The following MGAT4C variants were observed in gnomAD, a reference collection of about 807,000 sequenced individuals.
The protein encoded by MGAT4C is alpha-1,3-mannosyl-glycoprotein 4-beta-N-acetylglucosaminyltransferase C.
Under a neutral mutation model 40.1 loss-of-function variants are expected in MGAT4C, and 19 were observed. The ratio of observed to expected loss-of-function variants is 0.47; its 90% CI spans 0.33 to 0.70. MGAT4C has a LOEUF of 0.70. Ranked by LOEUF, MGAT4C falls within the 30% of genes least tolerant of loss-of-function variation. The pLI is 0.02. For synonymous variants in MGAT4C, 181 were observed against 187.1 expected (o/e 0.97, Z 0.27); for missense variants, 491 against 563.2 (o/e 0.87, Z 1.30).
intron 2 of MGAT4C, among the ~76,000 whole-genome samples, chr12:86,010,120 A>C (rs1366667771): frequency 1.3e-5 from 2 of 152,214 alleles, no homozygotes; most frequent in Admixed American, 1.3e-4. Context: ...AAAAATACCC[A>C]ATTAAAAATA....
intron 4 of MGAT4C, among the ~76,000 whole-genome samples, chr12:86,291,577 G>A (rs1166066911): frequency 2.0e-5 from 3 of 152,022 alleles, no homozygotes; most frequent in Non-Finnish European, 4.4e-5. Flanking sequence ...TTCTATTCTC[G>A]TGTTTTCCAA....
At chr12:86,761,838 G>C (rs1051677138) in intron 1 of MGAT4C, among the ~76,000 whole-genome samples, 2 of 151,884 alleles carry the variant, frequency 1.3e-5, no homozygotes, top group African/African-American at 2.4e-5. Flanking sequence ...ATAGAATCTA[G>C]TGCCCCACAA....
chr12:86,501,799 G>C (rs573572766), intron 2 of MGAT4C, among the ~76,000 whole-genome samples: 119 of 152,118 alleles, frequency 7.8e-4, no homozygotes, highest in African/African-American at 2.6e-3. Flanking sequence ...GTGCTGCAAT[G>C]AACATACATG....
At chr12:86,081,810 C>A (rs953523994) in intron 1 of MGAT4C, among the ~76,000 whole-genome samples, 4 of 152,096 alleles carry the variant, frequency 2.6e-5, no homozygotes, top group African/African-American at 9.7e-5. Flanking sequence ...AATATCCCCC[C>A]GTTGTCCTAA....
rs1886239429 is a variant in MGAT4C, at chr12:85,993,563, T to C, written c.-6-4011A>G. ...CTGGAGGGGCCTTGGTGAAGTGTGA[T>C]TCTCCATCTCCTGATTTGGTTAAGG... On this transcript the variant is annotated intron_variant, in intron 2 of 4. Transcript: ENST00000611864. 2.0e-5 allele frequency among the ~76,000 whole-genome samples: 3 copies of C among 152,158 alleles called. No individual in the cohort carries two copies. In the South Asian group the frequency reaches 6.2e-4, roughly 32 times the overall value.
At chr12:86,301,723 A>G (rs1953816821) in intron 4 of MGAT4C, among the ~76,000 whole-genome samples, 1 of 152,200 alleles carries the variant, frequency 6.6e-6, no homozygotes, top group Admixed American at 6.5e-5. Flanking sequence ...TAAGAAAACA[A>G]TGAAACATAC....
intron 2 of MGAT4C, among the ~76,000 whole-genome samples, chr12:86,482,798 C>A (rs1280354504): frequency 1.3e-5 from 2 of 152,062 alleles, no homozygotes; most frequent in Admixed American, 1.3e-4. Context: ...GCATAATTTT[C>A]TTTAGGTCAC....
rs562830063 is a variant in MGAT4C, at chr12:86,790,293, A to C, written c.-262+48373T>G. ...ACATGGTAGCCACAATTGCATTTGG[A>C]GTCTATTACTTTGATGAATTTTTAT... On this transcript the variant is annotated intron_variant, in intron 1 of 7. Transcript: ENST00000548651. 3.3e-5 allele frequency among the ~76,000 whole-genome samples: 5 copies of C among 152,260 alleles called. No homozygotes were observed. In the East Asian group the frequency reaches 9.7e-4, roughly 29 times the overall value.
chr12:86,634,712 G>A (rs542975322), intron 2 of MGAT4C, among the ~76,000 whole-genome samples: 21 of 152,196 alleles, frequency 1.4e-4, no homozygotes, highest in African/African-American at 4.3e-4. Context: ...CATCTCACGG[G>A]TCTTCTATTA....
intron 4 of MGAT4C, among the ~76,000 whole-genome samples, chr12:86,290,169 C>A (rs1462651954): frequency 1.3e-5 from 2 of 152,082 alleles, no homozygotes; most frequent in African/African-American, 2.4e-5. Flanking sequence ...GCCTCAGCCG[C>A]CCAAGTAGCT....
intron 1 of MGAT4C, among the ~76,000 whole-genome samples, chr12:86,162,490 C>T (rs1430297675): frequency 1.3e-5 from 2 of 151,962 alleles, no homozygotes; most frequent in South Asian, 4.2e-4. Flanking sequence ...GTAGTGACAA[C>T]TAGAGGGTGG....
intron 1 of MGAT4C, among the ~76,000 whole-genome samples, chr12:86,242,351 T>A (rs908437120): frequency 3.3e-5 from 5 of 152,154 alleles, no homozygotes; most frequent in African/African-American, 4.8e-5. Flanking sequence ...TTGGTAAACA[T>A]AGATACTGCC....
intron 2 of MGAT4C, among the ~76,000 whole-genome samples, chr12:86,633,133 A>G (rs1002147083): frequency 1.3e-5 from 2 of 152,008 alleles, no homozygotes; most frequent in Admixed American, 6.6e-5. Context: ...TTGAAGTAAT[A>G]AATACCTTTA....
chr12:85,994,027 G>A (rs1408264503), intron 2 of MGAT4C, among the ~76,000 whole-genome samples: 2 of 152,156 alleles, frequency 1.3e-5, no homozygotes, highest in Admixed American at 1.3e-4. Context: ...TGGCTCCTAG[G>A]GAGGGCGAGG....
intron 2 of MGAT4C, among the ~76,000 whole-genome samples, chr12:86,707,673 G>A (rs1950485957): frequency 6.6e-6 from 1 of 151,964 alleles, no homozygotes; most frequent in Non-Finnish European, 1.5e-5. Context: ...TGGGGTTACA[G>A]GCACATGCTG....
chr12:86,224,626 A>ACTG (rs1284355420), intron 1 of MGAT4C, among the ~76,000 whole-genome samples: 2 of 152,222 alleles, frequency 1.3e-5, no homozygotes, highest in Non-Finnish European at 2.9e-5. Context: ...GTGGAGTAAA[A>ACTG]CTGAAATCAA....
chr12:86,668,825 C>G (rs1349692093), intron 2 of MGAT4C, among the ~76,000 whole-genome samples: 3 of 152,152 alleles, frequency 2.0e-5, no homozygotes, highest in Non-Finnish European at 4.4e-5. Context: ...CGAATTAGAG[C>G]TAGTCTGTGT....
In MGAT4C at chr12:86,754,022, T is replaced by G. The variant is rs111712941; in HGVS notation, c.-261-26781A>C. Among the ~76,000 whole-genome samples, 58 of 152,292 alleles carry G rather than the reference T, an allele frequency of 3.8e-4. 1 individual carries two copies. Among genetic ancestry groups the G allele is most frequent in the African/African-American group, 1.4e-3 (57 of 41,568 alleles). On this transcript the variant is annotated intron_variant, in intron 1 of 7. Coordinates refer to the MGAT4C transcript ENST00000548651. The stretch of plus-strand genomic sequence containing the variant: ...TGAGGGCACTGAAAGCATATTTATA[T>G]AGAGAGACTTGTATGTAAGCATTCG...
chr12:86,385,136 G>T (rs1165563715), intron 3 of MGAT4C, among the ~76,000 whole-genome samples: 1 of 152,168 alleles, frequency 6.6e-6, no homozygotes, highest in East Asian at 1.9e-4. Context: ...TCCTCACACA[G>T]TAGGTGCTCA....
Sources: gnomAD v4.1 joint callset for allele counts (sites outside exome capture counted in the v4.1 genomes callset) on GRCh38, gnomAD v4.1.1 for gene constraint, MANE v1.5 for transcripts, NCBI Gene and HGNC (gene_info 2026-07-23, HGNC 2026-07-21) for gene names.